VANGL2: variants seen among roughly 807,000 people sequenced by gnomAD.
The protein encoded by VANGL2 is VANGL planar cell polarity protein 2, also known as vang-like protein 2.
In VANGL2, 14 loss-of-function variants were observed where a neutral mutation model predicts 50.2. The ratio of observed to expected loss-of-function variants is 0.28; its 90% CI spans 0.18 to 0.44. VANGL2 has a LOEUF of 0.44. Among genes scored for constraint, VANGL2 ranks in the 20% least tolerant of loss-of-function variants. The probability of loss-of-function intolerance (pLI) is 1.00; values close to 1 mark genes in which losing one functional copy is unlikely to be tolerated. For synonymous variants in VANGL2, 295 were observed against 297.2 expected, an observed-to-expected ratio of 0.99 and a Z score of 0.08; for missense variants, 533 against 701.5, an observed-to-expected ratio of 0.76 and a Z score of 2.71.
rs185532965 is a variant in VANGL2, at chr1:160,411,263, A to G, written c.-190-4385A>G. Among the ~76,000 whole-genome samples the G allele has an allele frequency of 3.3e-5, 5 of 151,874 alleles. No homozygotes were observed. In the East Asian group the frequency reaches 9.8e-4, roughly 30 times the overall value. On this transcript the variant is annotated intron_variant, in intron 1 of 7. Transcript: ENST00000368061. ...GGGGCAAGGTGAAAGGCAGTGGGGCACATTCCTTTTCTATAGCCTCCCCCT... is the reference window on the plus strand; with the variant it reads ...GGGGCAAGGTGAAAGGCAGTGGGGCGCATTCCTTTTCTATAGCCTCCCCCT...
chr1:160,418,116 T>G (rs1651126645), intron 3 of VANGL2, among the ~76,000 whole-genome samples: 2 of 152,190 alleles, frequency 1.3e-5, no homozygotes, highest in Admixed American at 1.3e-4. Flanking sequence ...AGATGGGATT[T>G]CTCCATGTTG....
intron 6 of VANGL2, among the ~76,000 whole-genome samples, chr1:160,422,850 T>C (rs1651317850): frequency 6.6e-6 from 1 of 152,038 alleles, no homozygotes; most frequent in Non-Finnish European, 1.5e-5. Flanking sequence ...TTGTGCAAAG[T>C]TAGTGTTAGT....
rs1271502279 is a variant in VANGL2, at chr1:160,419,356, G to A, written c.547G>A (p.Ala183Thr). ...GCTGCCCCGCGTCTTTGTGCTGCGT[G>A]CCCTGCTTATGGTGCTGGTTTTCCT... ...ASLPRVFVLR[A>T]LLMVLVFLLV... The change falls in exon 4 of 8, where the codon GCC (alanine) becomes ACC (threonine). Residue 183 changes from alanine to threonine, a missense_variant. Transcript: ENST00000368061. The surrounding 1 kb of genome is among the most constrained non-coding windows in gnomAD (Gnocchi z 5.8). The A allele has an allele frequency of 2.5e-6, 4 of 1,611,832 alleles. No individual in the cohort carries two copies. Among genetic ancestry groups the A allele is most frequent in the African/African-American group, 1.3e-5 (1 of 75,062 alleles).
intron 6 of VANGL2, 103 bp from the exon 7 acceptor site, chr1:160,423,949 G>GTAATATTTGTATTACTTTTGGGTGA: frequency 7.7e-7 from 1 of 1,295,126 alleles, no homozygotes; most frequent in East Asian, 2.3e-5. Context: ...TGAGCACAAA[G>GTAATATTTGTATTACTTTTGGGTGA]GCCTGACCTC....
At position 160,410,754 on chromosome 1, in the gene VANGL2, C is replaced by G. The variant is rs1291097568; in HGVS notation, c.-190-4894C>G. Among the ~76,000 whole-genome samples the G allele has an allele frequency of 3.9e-5, 6 of 152,130 alleles. No individual in the cohort carries two copies. In the South Asian group the frequency reaches 8.3e-4, roughly 21 times the overall value. On this transcript the variant is annotated intron_variant, in intron 1 of 7. Coordinates refer to ENST00000368061, the MANE Select transcript of VANGL2 (RefSeq NM_020335.3). ...TGCTCCCTCTGCCTGTTGCCAGGTT[C>G]TGAGTGTATTTTTTCCAGAGGCCTC...
At chr1:160,418,005 G>A (rs1235766666) in intron 3 of VANGL2, among the ~76,000 whole-genome samples, 1 of 149,790 alleles carries the variant, frequency 6.7e-6, no homozygotes, top group Admixed American at 6.8e-5. Context: ...TCCTCCTCCT[G>A]GGTTCAAGCG....
At chr1:160,406,736 GT>G (rs113737311) in intron 1 of VANGL2, among the ~76,000 whole-genome samples, 13,779 of 144,312 alleles carry the variant, frequency 0.095, 913 homozygotes, top group African/African-American at 0.2. Flanking sequence ...GGGGGTTCTG[GT>G]TTTTTTTTTT....
At chr1:160,402,814 C>G (rs1650520630) in intron 1 of VANGL2, among the ~76,000 whole-genome samples, 1 of 152,060 alleles carries the variant, frequency 6.6e-6, no homozygotes, top group Admixed American at 6.5e-5. Context: ...CTCTCTCATC[C>G]TTTCTCTTTT....
chr1:160,412,469 A>T lies in VANGL2; in HGVS notation c.-190-3179A>T, dbSNP rs145716736. On this transcript the variant is annotated intron_variant, in intron 1 of 7. Transcript: ENST00000368061. Reference sequence around the variant, plus strand: ...GAACCACAAGAGAAATGCAGGTCAGATGTCTAAACTATAAGGAGGAGTAGG... The same window carrying T: ...GAACCACAAGAGAAATGCAGGTCAGTTGTCTAAACTATAAGGAGGAGTAGG... 8.5e-5 allele frequency among the ~76,000 whole-genome samples: 13 copies of T among 152,294 alleles called. No individual in the cohort carries two copies. In the East Asian group the frequency reaches 2.5e-3, roughly 29 times the overall value.
Position 160,425,414 on chromosome 1 carries a change from G to T in VANGL2, c.*36G>T. ...GCAGGGGGAGTGGGAAACTCTGGGG[G>T]GTCCTGAGGGGGTGGGAGGGGGCTT... On this transcript the variant is annotated 3_prime_UTR_variant, in exon 8 of 8. Coordinates refer to ENST00000368061, the MANE Select transcript of VANGL2 (RefSeq NM_020335.3). The T allele has an allele frequency of 7.0e-7, 1 of 1,430,448 alleles. No individual in the cohort carries two copies. Among genetic ancestry groups the T allele is most frequent in the Non-Finnish European group, 9.4e-7 (1 of 1,063,958 alleles). The allele number at this position is 1,430,448 out of a possible 1,614,324, so 88.6% of individuals were successfully genotyped here. A position where few individuals can be genotyped will look rare whatever the true frequency, so the allele number is the denominator to read the frequency against.
chr1:160,408,096 A>G (rs1650745469), intron 1 of VANGL2, among the ~76,000 whole-genome samples: 1 of 151,584 alleles, frequency 6.6e-6, no homozygotes, highest in South Asian at 2.1e-4. Context: ...GCTATGGGAC[A>G]TGAATGTGCA....
chr1:160,403,317 G>T (rs908967344), intron 1 of VANGL2, among the ~76,000 whole-genome samples: 1 of 152,112 alleles, frequency 6.6e-6, no homozygotes, highest in African/African-American at 2.4e-5. Flanking sequence ...GCTGGTGGGG[G>T]CTCTCTTCCA....
intron 1 of VANGL2, among the ~76,000 whole-genome samples, chr1:160,413,761 A>G (rs1650965619): frequency 6.6e-6 from 1 of 151,884 alleles, no homozygotes; most frequent in South Asian, 2.1e-4. Context: ...TCCATGGAAG[A>G]GTTAGGTTTT....
At chr1:160,411,955 G>C (rs1461335458) in intron 1 of VANGL2, among the ~76,000 whole-genome samples, 1 of 152,132 alleles carries the variant, frequency 6.6e-6, no homozygotes, top group Non-Finnish European at 1.5e-5. Context: ...TAGTCTCAGA[G>C]GAAGTGTCTG....
At chr1:160,409,922 C>T (rs527608090) in intron 1 of VANGL2, among the ~76,000 whole-genome samples, 2 of 152,264 alleles carry the variant, frequency 1.3e-5, no homozygotes, top group South Asian at 2.1e-4. Flanking sequence ...ATTAGGGAGC[C>T]AGGCAGCTAG....
At position 160,425,133 on chromosome 1, in the gene VANGL2, T is replaced by G; in HGVS notation, c.1321T>G (p.Tyr441Asp). Residue 441 changes from tyrosine to aspartate, a missense_variant, in exon 8 of 8, where the codon TAC (tyrosine) becomes GAC (aspartate). Coordinates refer to ENST00000368061, the MANE Select transcript of VANGL2 (RefSeq NM_020335.3). ...DMTPKAFLER[Y>D]LAAGPTIQYH... ...TCCACTTCAGGCCTTCTTGGAGCGA[T>G]ACTTGGCGGCTGGACCTACCATCCA... The G allele has an allele frequency of 6.2e-7, 1 of 1,614,068 alleles. No individual in the cohort carries two copies. Among genetic ancestry groups the G allele is most frequent in the Non-Finnish European group, 8.5e-7 (1 of 1,179,984 alleles).
rs755599478 is a variant in VANGL2 at position 160,421,045 on chromosome 1, TG to T, written c.938-6del. 5.6e-6 allele frequency: 9 copies of T among 1,614,152 alleles called. No homozygotes were observed. In the Admixed American group the frequency reaches 1.5e-4, roughly 27 times the overall value. ...GTGACCATCTCCTCTATCCTGTTCCTGTGCAGAAAACAGCACCAACAACTCC... is the reference window on the plus strand; with the variant it reads ...GTGACCATCTCCTCTATCCTGTTCCTTGCAGAAAACAGCACCAACAACTCC... On this transcript the variant is annotated splice_region_variant and splice_polypyrimidine_tract_variant and intron_variant, in intron 5 of 7. Coordinates refer to ENST00000368061, the MANE Select transcript of VANGL2 (RefSeq NM_020335.3).
Position 160,416,179 on chromosome 1 carries a change from G to C in VANGL2, c.189G>C (p.Glu63Asp), listed in dbSNP as rs1651052024. The change falls in exon 3 of 8, where the codon GAG becomes GAC. Residue 63 changes from glutamate (E) to aspartate (D), a missense_variant. Transcript: ENST00000368061. ...ACAATGAGTCCACACGAGGGGATGA[G>C]CGGGTGAGCACTGGGGATGCGGTGG... ...LLDNESTRGD[E>D]RDDNWGETTT... is the part of the protein sequence containing the mutation. The C allele has an allele frequency of 6.2e-7, 1 of 1,614,098 alleles. No homozygotes were observed.
Position 160,416,185 on chromosome 1 carries a change from G to T in VANGL2, c.192+3G>T. The T allele has an allele frequency of 6.2e-7, 1 of 1,614,160 alleles. No individual in the cohort carries two copies. The highest frequency in any genetic ancestry group is 1.1e-5 in the South Asian group (1 of 91,060). ...AGTCCACACGAGGGGATGAGCGGGT[G>T]AGCACTGGGGATGCGGTGGTCCAGA... On this transcript the variant is annotated splice_donor_region_variant and intron_variant, in intron 3 of 7. Coordinates refer to ENST00000368061, the MANE Select transcript of VANGL2 (RefSeq NM_020335.3).
Sources: gnomAD v4.1 joint callset for allele counts (sites outside exome capture counted in the v4.1 genomes callset) on GRCh38, gnomAD v4.1.1 for gene constraint, Gnocchi (gnomAD v3.1) non-coding constraint, MANE v1.5 for transcripts, NCBI Gene and HGNC (gene_info 2026-07-23, HGNC 2026-07-21) for gene names.